Variants in CEP104 observed in about 807,000 individuals in gnomAD.
CEP104 encodes the protein centrosomal protein 104, also known as centrosomal protein of 104 kDa.
In CEP104, 84 loss-of-function variants were observed where a neutral mutation model predicts 113.3. That is an observed-to-expected ratio of 0.74 (90% confidence interval 0.62 to 0.89). CEP104 has a LOEUF of 0.89. Among genes scored for constraint, CEP104 ranks in the 40% least tolerant of loss-of-function variants. The probability of loss-of-function intolerance (pLI) is 0.00; values close to 1 mark genes in which losing one functional copy is unlikely to be tolerated. For synonymous variants in CEP104, 378 were observed against 421.7 expected (o/e 0.90, Z 1.27); for missense variants, 1,053 against 1,156.6 (o/e 0.91, Z 1.30).
chr1:3,831,118 C>T lies in CEP104; in HGVS notation c.1764G>A (p.Met588Ile), dbSNP rs755820671. 13 of 1,614,256 alleles carry T rather than the reference C, an allele frequency of 8.1e-6. No individual in the cohort carries two copies. The highest frequency in any genetic ancestry group is 1.7e-5 in the Admixed American group (1 of 60,036). Reference protein sequence around the residue: ...NSSVHLAMSQMGLLARLLKDL... With the variant: ...NSSVHLAMSQIGLLARLLKDL... ...CTTTCAGCAGCCGGGCCAGGAGGCC[C>T]ATCTGACTCATTGCCAGGTGAACTG... The change falls in exon 13 of 22, where the codon ATG (methionine) becomes ATA (isoleucine). Residue 588 changes from methionine to isoleucine, a missense_variant. Coordinates refer to ENST00000378230, the MANE Select transcript of CEP104 (RefSeq NM_014704.4).
chr1:3,830,832 C>T (rs1185090567), intron 13 of CEP104, among the ~76,000 whole-genome samples: 6 of 151,508 alleles, frequency 4.0e-5, no homozygotes, highest in South Asian at 2.1e-4. Flanking sequence ...TTTCTCTCCA[C>T]AGATAAAGAT....
Position 3,815,357 on chromosome 1 carries a change from G to C in CEP104, c.*45C>G. On this transcript the variant is annotated 3_prime_UTR_variant, in exon 22 of 22. Transcript: ENST00000378230. ...CTGGAGAGATGGTGTAGAATCAGGA[G>C]ACCCGCTCCATCCCTCACAGAGACC... The C allele has an allele frequency of 7.2e-7, 1 of 1,392,208 alleles. No individual in the cohort carries two copies. The allele number at this position is 1,392,208 out of a possible 1,614,324, so 86.2% of individuals were successfully genotyped here.
intron 12 of CEP104, among the ~76,000 whole-genome samples, chr1:3,832,691 ATTC>A (rs1644239670): frequency 6.6e-6 from 1 of 151,984 alleles, no homozygotes; most frequent in African/African-American, 2.4e-5. Flanking sequence ...ACCCCTTTGG[ATTC>A]TTCTTTTTGA....
At chr1:3,836,762 A>C in intron 9 of CEP104, 70 bp from the exon 10 acceptor site, 516 of 1,391,714 alleles carry the variant, frequency 3.7e-4, no homozygotes, top group Non-Finnish European at 4.7e-4. Flanking sequence ...TGCAACTCTC[A>C]CTGGCAGGCT....
intron 21 of CEP104, 82 bp downstream of exon 21, chr1:3,816,198 T>A (rs1643877645): frequency 8.2e-7 from 1 of 1,223,242 alleles, no homozygotes; most frequent in Non-Finnish European, 1.1e-6. Context: ...TCTTGCCATG[T>A]TGCCCTGGAC....
chr1:3,815,215 G>T lies in CEP104; in HGVS notation c.*187C>A. 1.7e-6 allele frequency: 1 copy of T among 591,552 alleles called. No individual in the cohort carries two copies. The highest frequency in any genetic ancestry group is 3.0e-6 in the Non-Finnish European group (1 of 329,356). 36.6% of individuals were successfully genotyped at this position (591,552 alleles called of 1,614,324 possible). A position where few individuals can be genotyped will look rare whatever the true frequency, so the allele number is the denominator to read the frequency against. On this transcript the variant is annotated 3_prime_UTR_variant, in exon 22 of 22. Coordinates refer to ENST00000378230, the MANE Select transcript of CEP104 (RefSeq NM_014704.4). Reference sequence around the variant, plus strand: ...TCCTGGCACTGCACGCAGGATCTTTGGTTAGCTGCATCCATATCGTTTGCA... The same window carrying T: ...TCCTGGCACTGCACGCAGGATCTTTTGTTAGCTGCATCCATATCGTTTGCA...
chr1:3,817,495 A>G (rs1189504132), intron 20 of CEP104, among the ~76,000 whole-genome samples: 1 of 152,096 alleles, frequency 6.6e-6, no homozygotes, highest in African/African-American at 2.4e-5. Context: ...GGCAGCCCTC[A>G]AGATACTAGA....
At chr1:3,846,802 T>G (rs1644516718) in intron 4 of CEP104, among the ~76,000 whole-genome samples, 1 of 151,892 alleles carries the variant, frequency 6.6e-6, no homozygotes, top group African/African-American at 2.4e-5. Flanking sequence ...GCAGGGAGAG[T>G]TGTAAATGCT....
chr1:3,835,116 C>G (rs958639490), intron 10 of CEP104, 24 bp from the exon 11 acceptor site: 2 of 1,603,470 alleles, frequency 1.2e-6, no homozygotes, highest in Admixed American at 3.4e-5. Context: ...GGCAGCATTT[C>G]ATGGCATCAC....
intron 6 of CEP104, among the ~76,000 whole-genome samples, chr1:3,840,558 T>C (rs1186254673): frequency 1.3e-5 from 2 of 151,466 alleles, no homozygotes; most frequent in African/African-American, 2.4e-5. Flanking sequence ...TATTTTTTTC[T>C]TTGAGACAGA....
At chr1:3,824,121 C>T (rs1196043055) in intron 18 of CEP104, among the ~76,000 whole-genome samples, 1 of 152,196 alleles carries the variant, frequency 6.6e-6, no homozygotes, top group Non-Finnish European at 1.5e-5. Flanking sequence ...AGTTTCGCTC[C>T]TGTTGCCCAG....
intron 4 of CEP104, 88 bp from the exon 5 acceptor site, chr1:3,845,439 G>A (rs976488678): frequency 1.9e-5 from 20 of 1,026,430 alleles, no homozygotes; most frequent in Non-Finnish European, 2.5e-5. Flanking sequence ...ACAGGGTCTC[G>A]TCTGTCACCC....
chr1:3,841,167 A>C (rs1644404767), intron 6 of CEP104, among the ~76,000 whole-genome samples: 1 of 152,170 alleles, frequency 6.6e-6, no homozygotes, highest in African/African-American at 2.4e-5. Context: ...CGACTTGAAC[A>C]CCCTTCGAGA....
rs1643811617 is a variant in CEP104 at position 3,812,471 on chromosome 1, C to CTTGG, written c.*2927_*2930dup. On this transcript the variant is annotated 3_prime_UTR_variant, in exon 22 of 22. Transcript: ENST00000378230. ...CCTTTTTAATTTTTTGTACTTGATT[C>CTTGG]TTGGTCCCTTAACAATGTATAACCC... 6.6e-6 allele frequency: 1 copy of CTTGG among 152,122 alleles called. No individual in the cohort carries two copies. The highest frequency in any genetic ancestry group is 1.5e-5 in the Non-Finnish European group (1 of 68,026). The allele number at this position is 152,122 out of a possible 1,614,324, so 9.4% of individuals were successfully genotyped here. A position where few individuals can be genotyped will look rare whatever the true frequency, so the allele number is the denominator to read the frequency against.
chr1:3,824,007 A>G (rs1183040586), intron 18 of CEP104, among the ~76,000 whole-genome samples: 2 of 152,062 alleles, frequency 1.3e-5, no homozygotes, highest in African/African-American at 4.8e-5. Context: ...ACTTGTATAT[A>G]CTCTATAACT....
At chr1:3,852,221 A>G in intron 2 of CEP104, 74 bp downstream of exon 2, 1 of 1,422,032 alleles carries the variant, frequency 7.0e-7, no homozygotes, top group African/African-American at 1.4e-5. Context: ...GCTCTGAATG[A>G]AAGGAGCCCC....
At chr1:3,845,465 GGT>G in intron 4 of CEP104, 114 bp from the exon 5 acceptor site, 1 of 798,958 alleles carries the variant, frequency 1.3e-6, no homozygotes, top group Non-Finnish European at 2.1e-6. Context: ...GGAGTGCAGT[GGT>G]GTGATCATGG....
Position 3,839,552 on chromosome 1 carries a change from A to G in CEP104, c.735+56T>C, listed in dbSNP as rs1214313949. On this transcript the variant is annotated intron_variant, in intron 7 of 21. Transcript: ENST00000378230. ...CTTTTACCATGTAGTTATTCTAAGT[A>G]TACATAAAACCTATTACAGGCATAA... 3 of 1,454,936 alleles carry G rather than the reference A, an allele frequency of 2.1e-6. No homozygotes were observed. The East Asian group carries it at 6.8e-5, about 33-fold the overall frequency. The allele number at this position is 1,454,936 out of a possible 1,614,324, so 90.1% of individuals were successfully genotyped here.
intron 12 of CEP104, among the ~76,000 whole-genome samples, chr1:3,832,657 G>A (rs1440468408): frequency 1.3e-5 from 2 of 152,096 alleles, no homozygotes; most frequent in African/African-American, 4.8e-5. Flanking sequence ...CTAGATCTGT[G>A]GTTCCTCATA....
Sources: gnomAD v4.1 joint callset for allele counts (sites outside exome capture counted in the v4.1 genomes callset) on GRCh38, gnomAD v4.1.1 for gene constraint, MANE v1.5 for transcripts, NCBI Gene and HGNC (gene_info 2026-07-23, HGNC 2026-07-21) for gene names.